Variants in FAM168A observed in about 807,000 individuals in gnomAD.
FAM168A encodes the protein protein FAM168A.
In FAM168A, 3 loss-of-function variants were observed where a neutral mutation model predicts 28.5. The ratio of observed to expected loss-of-function variants is 0.11; its 90% CI spans 0.05 to 0.27. FAM168A has a LOEUF of 0.27. FAM168A is among the 10% of genes least tolerant of loss of function. The pLI, the probability that FAM168A is intolerant of heterozygous loss-of-function variation, is 1.00. For synonymous variants in FAM168A, 122 were observed against 124.2 expected (o/e 0.98, Z 0.12); for missense variants, 222 against 311.5 (o/e 0.71, Z 2.16).
At chr11:73,528,617 T>C (rs964358908) in intron 1 of FAM168A, among the ~76,000 whole-genome samples, 6 of 152,134 alleles carry the variant, frequency 3.9e-5, no homozygotes, top group Admixed American at 2.0e-4. Context: ...TAAACTTGCT[T>C]TCACTTTGCA....
intron 1 of FAM168A, among the ~76,000 whole-genome samples, chr11:73,545,808 C>CA (rs1450101854): frequency 6.6e-6 from 1 of 151,238 alleles, no homozygotes; most frequent in Non-Finnish European, 1.5e-5. Context: ...CCCAGCCTCC[C>CA]AAAGTGTTGG....
At chr11:73,550,298 G>C (rs1029118691) in intron 1 of FAM168A, among the ~76,000 whole-genome samples, 1 of 152,266 alleles carries the variant, frequency 6.6e-6, no homozygotes, top group East Asian at 1.9e-4. Context: ...GTAGTGAAAT[G>C]GAATAGAAGG....
chr11:73,432,176 T>A (rs1867006566), intron 2 of FAM168A, among the ~76,000 whole-genome samples: 1 of 152,234 alleles, frequency 6.6e-6, no homozygotes, highest in Non-Finnish European at 1.5e-5. Flanking sequence ...GTTCATCTGT[T>A]GAGGGACGCC....
chr11:73,519,778 ATGTG>A (rs10567350), intron 1 of FAM168A, among the ~76,000 whole-genome samples: 1 of 150,032 alleles, frequency 6.7e-6, no homozygotes, highest in African/African-American at 2.5e-5. Flanking sequence ...CAGAGCATGT[ATGTG>A]TGTGTGTGTG....
Position 73,455,824 on chromosome 11 carries a change from T to C in FAM168A, c.70+12581A>G, listed in dbSNP as rs139574605. 4.8e-3 allele frequency among the ~76,000 whole-genome samples: 725 copies of C among 152,358 alleles called. 7 individuals carry two copies. The highest frequency in any genetic ancestry group is 0.017 in the African/African-American group (698 of 41,580). On this transcript the variant is annotated intron_variant, in intron 2 of 7. Coordinates refer to ENST00000356467, the MANE Select transcript of FAM168A (RefSeq NM_015159.3). ...AAAATAGGCAGGAGCAGATCTCTAC[T>C]GGAGGGGAAGAGAGCACCTATGTGG... is the stretch of plus-strand genomic sequence containing the variant.
intron 3 of FAM168A, among the ~76,000 whole-genome samples, chr11:73,425,323 T>A (rs1866868698): frequency 6.6e-6 from 1 of 152,224 alleles, no homozygotes; most frequent in South Asian, 2.1e-4. Context: ...CCCAAGTTCC[T>A]GCTTTTTGCT....
chr11:73,471,261 G>A (rs1867809538), intron 1 of FAM168A, among the ~76,000 whole-genome samples: 1 of 152,082 alleles, frequency 6.6e-6, no homozygotes, highest in South Asian at 2.1e-4. Context: ...TCCTGGATCT[G>A]CCACATACCA....
chr11:73,509,490 C>A (rs1223376668), intron 1 of FAM168A, among the ~76,000 whole-genome samples: 1 of 152,048 alleles, frequency 6.6e-6, no homozygotes, highest in Non-Finnish European at 1.5e-5. Flanking sequence ...TGTCATGGAC[C>A]TTTGAAGCTG....
At chr11:73,540,245 C>T (rs1943637436) in intron 1 of FAM168A, among the ~76,000 whole-genome samples, 1 of 152,004 alleles carries the variant, frequency 6.6e-6, no homozygotes, top group African/African-American at 2.4e-5. Flanking sequence ...AGAATAAATG[C>T]CTATTATACT....
At chr11:73,437,516 G>A (rs1294155523) in intron 2 of FAM168A, among the ~76,000 whole-genome samples, 1 of 144,132 alleles carries the variant, frequency 6.9e-6, no homozygotes, top group African/African-American at 2.6e-5. Flanking sequence ...CAATTCTTCT[G>A]CCTCAGCCTC....
intron 1 of FAM168A, among the ~76,000 whole-genome samples, chr11:73,539,491 G>A (rs971638924): frequency 2.0e-5 from 3 of 152,002 alleles, no homozygotes; most frequent in South Asian, 2.1e-4. Flanking sequence ...GGATGGTCTC[G>A]ATCTTCTGAC....
chr11:73,407,092 G>A (rs1866519662), intron 7 of FAM168A, among the ~76,000 whole-genome samples: 1 of 152,184 alleles, frequency 6.6e-6, no homozygotes, highest in Non-Finnish European at 1.5e-5. Context: ...GAAGAATGGG[G>A]CCCATAGTTA....
At position 73,402,899 on chromosome 11, in the gene FAM168A, C is replaced by T. The variant is rs1369011802; in HGVS notation, c.*3864G>A. Reference sequence around the variant, plus strand: ...GCAGTTCATACAAATCTGCTCAGCTCAGAGACTGGGCTTCCCAGCTCTATA... The same window carrying T: ...GCAGTTCATACAAATCTGCTCAGCTTAGAGACTGGGCTTCCCAGCTCTATA... On this transcript the variant is annotated 3_prime_UTR_variant, in exon 8 of 8. Coordinates refer to ENST00000356467, the MANE Select transcript of FAM168A (RefSeq NM_015159.3). 6.6e-6 allele frequency: 1 copy of T among 152,224 alleles called. No individual in the cohort carries two copies. The highest frequency in any genetic ancestry group is 1.9e-4 in the East Asian group (1 of 5,192). The allele number at this position is 152,224 out of a possible 1,614,324, so 9.4% of individuals were successfully genotyped here.
At chr11:73,439,924 C>T (rs1287305158) in intron 2 of FAM168A, among the ~76,000 whole-genome samples, 7 of 116,750 alleles carry the variant, frequency 6.0e-5, no homozygotes, top group Admixed American at 2.3e-4. Flanking sequence ...TTGCTCTTGT[C>T]GCCCAAGCTG....
chr11:73,507,862 G>A (rs897743568), intron 1 of FAM168A, among the ~76,000 whole-genome samples: 1 of 152,116 alleles, frequency 6.6e-6, no homozygotes, highest in South Asian at 2.1e-4. Context: ...AGGTCCTGCA[G>A]GGCTAACTGC....
At chr11:73,571,960 G>A (rs1174997159) in intron 1 of FAM168A, among the ~76,000 whole-genome samples, 2 of 151,698 alleles carry the variant, frequency 1.3e-5, no homozygotes, top group African/African-American at 4.8e-5. Flanking sequence ...TCTGGGAGGT[G>A]AGGAGCGTCT....
At chr11:73,427,959 C>T (rs1866918848) in intron 3 of FAM168A, among the ~76,000 whole-genome samples, 1 of 152,188 alleles carries the variant, frequency 6.6e-6, no homozygotes, top group Admixed American at 6.5e-5. Flanking sequence ...ACATCCTGAC[C>T]TCCCTGGTTA....
chr11:73,457,264 C>T (rs1472781014), intron 2 of FAM168A, among the ~76,000 whole-genome samples: 1 of 150,884 alleles, frequency 6.6e-6, no homozygotes, highest in Non-Finnish European at 1.5e-5. Flanking sequence ...TGATGTACAC[C>T]TGTAGTTCCA....
intron 1 of FAM168A, among the ~76,000 whole-genome samples, chr11:73,478,569 C>T (rs1217094825): frequency 6.6e-6 from 1 of 152,150 alleles, no homozygotes; most frequent in Non-Finnish European, 1.5e-5. Flanking sequence ...CACAAAAAAA[C>T]ACTGTACACT....
Sources: allele counts gnomAD v4.1 joint callset (sites outside exome capture counted in the v4.1 genomes callset), GRCh38; gene constraint gnomAD v4.1.1; transcripts MANE v1.5; gene names NCBI Gene and HGNC (gene_info 2026-07-23, HGNC 2026-07-21).